Variants in DNAH1 observed in about 807,000 individuals in gnomAD.
DNAH1 encodes dynein axonemal heavy chain 1, also known as axonemal beta dynein heavy chain 1.
Under a neutral mutation model 484.3 loss-of-function variants are expected in DNAH1, and 327 were observed. The ratio of observed to expected loss-of-function variants is 0.68; its 90% confidence interval spans 0.62 to 0.74. DNAH1 has a LOEUF of 0.74. DNAH1 is among the 30% of genes least tolerant of loss of function. The pLI, the probability that DNAH1 is intolerant of heterozygous loss-of-function variation, is 0.00. For synonymous variants in DNAH1, 2,192 were observed against 2,191.9 expected, an observed-to-expected ratio of 1.00 and a Z score of 0.00; for missense variants, 5,052 against 5,546.8, an observed-to-expected ratio of 0.91 and a Z score of 2.83.
chr3:52,352,599 C>T lies in DNAH1; in HGVS notation c.2919C>T (p.His973=), dbSNP rs149114984. The change falls in exon 18 of 78, where the codon CAC becomes CAT. Residue 973 remains histidine, a synonymous_variant. Transcript: ENST00000420323. The part of the protein sequence containing the change: ...FSIHVEISRA[H]EIANEVRRVK... ...TCCATGTGGAGATTTCACGTGCACA[C>T]GAGATCGCCAACGAGGTGCGGCGTG... is the stretch of plus-strand genomic sequence containing the variant. 8,695 of 1,612,762 alleles carry T rather than the reference C, an allele frequency of 5.4e-3. 42 individuals are homozygous for T. The highest frequency in any genetic ancestry group is 7.0e-3 in the South Asian group (637 of 91,020).
In DNAH1 at chr3:52,372,396, C is replaced by A. The variant is rs775477460; in HGVS notation, c.6827+9C>A. ...AGCAAGCTGGACAAGAGGCAGGGCA[C>A]CCCTCCCTCCTTCCTCACCCCTGCA... On this transcript the variant is annotated intron_variant, in intron 43 of 77. Coordinates refer to ENST00000420323, the MANE Select transcript of DNAH1 (RefSeq NM_015512.5). The A allele has an allele frequency of 5.0e-6, 8 of 1,612,696 alleles. No homozygotes were observed. The highest frequency in any genetic ancestry group is 6.8e-6 in the Non-Finnish European group (8 of 1,179,842).
chr3:52,373,958 T>C (rs1429815407), intron 44 of DNAH1: 1 of 1,226,000 alleles, frequency 8.2e-7, no homozygotes, highest in Non-Finnish European at 1.2e-6. Context: ...GCTGGCTTCA[T>C]CTACACTTAT....
intron 47 of DNAH1, 62 bp downstream of exon 47, chr3:52,378,842 C>T: frequency 1.3e-6 from 2 of 1,592,534 alleles, no homozygotes; most frequent in South Asian, 1.1e-5. Flanking sequence ...TCCCCAGCCC[C>T]ACCAATTTCA....
chr3:52,329,357 G>T (rs962780313), intron 6 of DNAH1, among the ~76,000 whole-genome samples: 1 of 152,146 alleles, frequency 6.6e-6, no homozygotes, highest in Non-Finnish European at 1.5e-5. Context: ...AGTATTTTCA[G>T]AAAGGCAACC....
In DNAH1 at chr3:52,358,961, A is replaced by G. The variant is rs1205018616; in HGVS notation, c.4266+224A>G. ...TGGTTCCCAGCACTCACTGGGTGCC[A>G]GGCTCCAGGCTGGGCCCTCTCCTGC... On this transcript the variant is annotated intron_variant, in intron 25 of 77. Coordinates refer to ENST00000420323, the MANE Select transcript of DNAH1 (RefSeq NM_015512.5). This position sits in a 1 kb window ranked among gnomAD's most constrained non-coding sequence, Gnocchi z 4.2. Among the ~76,000 whole-genome samples the G allele has an allele frequency of 6.6e-6, 1 of 152,166 alleles. No individual in the cohort carries two copies. The highest frequency in any genetic ancestry group is 1.5e-5 in the Non-Finnish European group (1 of 68,032).
chr3:52,317,327 G>A (rs1410746113), intron 1 of DNAH1, among the ~76,000 whole-genome samples: 1 of 152,170 alleles, frequency 6.6e-6, no homozygotes, highest in African/African-American at 2.4e-5. Flanking sequence ...GGGCGCCCGA[G>A]CCGAGGGGTG....
intron 43 of DNAH1, among the ~76,000 whole-genome samples, 159 bp from the exon 44 acceptor site, chr3:52,372,733 ACACT>A (rs1703398532): frequency 6.6e-6 from 1 of 152,268 alleles, no homozygotes; most frequent in Admixed American, 6.5e-5. Context: ...CTGTCCCAGG[ACACT>A]CAGAACAAGG....
chr3:52,315,548 A>T (rs963671526), upstream of DNAH1, among the ~76,000 whole-genome samples: 1 of 152,204 alleles, frequency 6.6e-6, no homozygotes, highest in Non-Finnish European at 1.5e-5. Flanking sequence ...CTTCCAGGCC[A>T]CCAGAGTCCT....
In DNAH1 at chr3:52,399,084, C is replaced by G. The variant is rs375511211; in HGVS notation, c.12324C>G (p.Ile4108Met). The G allele has an allele frequency of 6.2e-7, 1 of 1,613,936 alleles. No homozygotes were observed. Among genetic ancestry groups the G allele is most frequent in the East Asian group, 2.2e-5 (1 of 44,894 alleles). Residue 4108 changes from isoleucine (I) to methionine (M), a missense_variant, in exon 76 of 78, where the codon ATC becomes ATG. By Grantham distance (10) the Ile-to-Met change is conservative (BLOSUM62 1). Transcript: ENST00000420323. The stretch of plus-strand genomic sequence containing the variant: ...TGCAGGCCTGGATCCAAGATGGCAT[C>G]CCAGCTGTCTTCTGGATCAGTGGAT... ...DFLQAWIQDGIPAVFWISGFF... is the reference protein window; with the variant it reads ...DFLQAWIQDGMPAVFWISGFF...
At chr3:52,314,552 T>C (rs1700889700), upstream of DNAH1, among the ~76,000 whole-genome samples, 1 of 152,194 alleles carries the variant, frequency 6.6e-6, no homozygotes, top group African/African-American at 2.4e-5. Context: ...TATGGGTCTT[T>C]CCTGGACTGA....
chr3:52,339,591 T>C (rs1178972636), intron 8 of DNAH1, among the ~76,000 whole-genome samples: 1 of 152,182 alleles, frequency 6.6e-6, no homozygotes, highest in Non-Finnish European at 1.5e-5. Flanking sequence ...GGGAATTTTA[T>C]CAGTTAAGAT....
intron 2 of DNAH1, 73 bp downstream of exon 2, chr3:52,322,848 T>G (rs1701199261): frequency 7.7e-7 from 1 of 1,302,218 alleles, no homozygotes; most frequent in Non-Finnish European, 1.1e-6. Flanking sequence ...CTTTCATCCT[T>G]CTCCCCATCA....
chr3:52,323,633 C>T (rs956031740), intron 2 of DNAH1, among the ~76,000 whole-genome samples, 175 bp from the exon 3 acceptor site: 1 of 152,138 alleles, frequency 6.6e-6, no homozygotes, highest in African/African-American at 2.4e-5. Flanking sequence ...AGCTTGTTGC[C>T]CACTGTGGCC....
chr3:52,363,401 C>T (rs1702945039), intron 32 of DNAH1, among the ~76,000 whole-genome samples: 1 of 152,260 alleles, frequency 6.6e-6, no homozygotes, highest in African/African-American at 2.4e-5. Flanking sequence ...GAACAGATGC[C>T]TGTGTGGCTA....
rs1359908170 is a variant in DNAH1 at position 52,398,882 on chromosome 3, C to T, written c.12122C>T (p.Thr4041Ile). The T allele has an allele frequency of 3.8e-6, 6 of 1,572,650 alleles. No homozygotes were observed. In the East Asian group the frequency reaches 9.0e-5, roughly 24 times the overall value. ...YNRLLQVITQ[T>I]LQDLLKALKG... ...CGGCTGCTGCAGGTGATCACACAGA[C>T]ACTGCAAGACCTACTCAAGGCACTC... Residue 4041 changes from threonine to isoleucine, a missense_variant, in exon 76 of 78, where the codon ACA becomes ATA. Physicochemically the swap from Thr to Ile is moderately conservative, Grantham distance 89 (BLOSUM62 -1). Coordinates refer to ENST00000420323, the MANE Select transcript of DNAH1 (RefSeq NM_015512.5).
At chr3:52,374,495 A>G in intron 44 of DNAH1, 1 of 1,439,226 alleles carries the variant, frequency 6.9e-7, no homozygotes, top group Non-Finnish European at 9.8e-7. Flanking sequence ...AAGCGATTTT[A>G]GATGTCATTG....
At position 52,357,647 on chromosome 3, in the gene DNAH1, G is replaced by A. The variant is rs1702668369; in HGVS notation, c.3892G>A (p.Asp1298Asn). 1 of 1,599,676 alleles carries A rather than the reference G, an allele frequency of 6.3e-7. No individual in the cohort carries two copies. The highest frequency in any genetic ancestry group is 2.3e-5 in the East Asian group (1 of 44,440). The change falls in exon 23 of 78, where the codon GAC becomes AAC. Residue 1298 changes from aspartate (D) to asparagine (N), a missense_variant. Asp to Asn is a conservative substitution (Grantham distance 23). This residue lies in a region of DNAH1 where 2,929 missense variants were observed against 3,409.4 expected (regional missense o/e 0.86). Transcript: ENST00000420323. ...INVCSDLRML[D>N]SLRDCNKILD... is the part of the protein sequence containing the mutation. ...TGTGTGTTCCGACCTGAGAATGCTG[G>A]ACAGCCTGCGGGACTGCAACAAGAT...
intron 11 of DNAH1, 66 bp downstream of exon 11, chr3:52,346,836 C>T (rs1702164806): frequency 1.3e-6 from 2 of 1,513,388 alleles, no homozygotes; most frequent in Non-Finnish European, 1.8e-6. Context: ...GGGGATGGAG[C>T]AGGGTCAGGG....
Position 52,392,637 on chromosome 3 carries a change from T to C in DNAH1, c.10226T>C (p.Met3409Thr). Residue 3409 changes from methionine (M) to threonine (T), a missense_variant, in exon 64 of 78, where the codon ATG (methionine) becomes ACG (threonine). By Grantham distance (81) the Met-to-Thr change is moderately conservative. Coordinates refer to ENST00000420323, the MANE Select transcript of DNAH1 (RefSeq NM_015512.5). The stretch of plus-strand genomic sequence containing the variant: ...TCCGAGGGCAACCCTGTAGATGACA[T>C]GGAACTCATCAAGGTGCTGGAAGCC... ...SSSEGNPVDD[M>T]ELIKVLEASK... The C allele has an allele frequency of 6.2e-7, 1 of 1,612,414 alleles. No individual in the cohort carries two copies. Among genetic ancestry groups the C allele is most frequent in the Non-Finnish European group, 8.5e-7 (1 of 1,179,248 alleles).
Sources: allele counts gnomAD v4.1 joint callset (sites outside exome capture counted in the v4.1 genomes callset), GRCh38; gene constraint gnomAD v4.1.1; regional missense constraint gnomAD v4.1.1; non-coding constraint Gnocchi (gnomAD v3.1); transcripts MANE v1.5; gene names NCBI Gene and HGNC (gene_info 2026-07-23, HGNC 2026-07-21).